Variants in CEMIP2 observed in about 807,000 individuals in gnomAD.
The protein encoded by CEMIP2 is cell migration inducing hyaluronidase 2, also known as cell surface hyaluronidase CEMIP2.
Under a neutral mutation model 146.9 loss-of-function variants are expected in CEMIP2, and 79 were observed. The ratio of observed to expected loss-of-function variants is 0.54; its 90% confidence interval spans 0.45 to 0.65. The LOEUF (loss-of-function observed/expected upper bound fraction) is 0.65, where lower values mean the gene tolerates loss of function less well. Among genes scored for constraint, CEMIP2 ranks in the 30% least tolerant of loss-of-function variants. CEMIP2 has a pLI of 0.00. For synonymous variants in CEMIP2, 601 were observed against 606.3 expected (o/e 0.99, Z 0.13); for missense variants, 1,596 against 1,696.2 (o/e 0.94, Z 1.04).
chr9:71,730,833 C>T lies in CEMIP2; in HGVS notation c.1645G>A (p.Val549Ile). The change falls in exon 8 of 24, where the codon GTT (valine) becomes ATT (isoleucine). Residue 549 changes from valine to isoleucine, a missense_variant. Physicochemically the swap from Val to Ile is conservative, Grantham distance 29 (BLOSUM62 3). Transcript: ENST00000377044. ...MGQQQMGRYP[V>I]HFHLCGDVDY... ...ACGTCACCACACAGGTGAAAATGAA[C>T]AGGGTATCGCCCCATCTGCTGCTGA... 1 of 1,614,156 alleles carries T rather than the reference C, an allele frequency of 6.2e-7. No homozygotes were observed. Among genetic ancestry groups the T allele is most frequent in the African/African-American group, 1.3e-5 (1 of 75,042 alleles).
At chr9:71,757,845 A>G (rs1390929436) in intron 1 of CEMIP2, among the ~76,000 whole-genome samples, 1 of 152,242 alleles carries the variant, frequency 6.6e-6, no homozygotes, top group Admixed American at 6.5e-5. Flanking sequence ...TGAACTCAAC[A>G]AATACCCTGT....
chr9:71,695,074 C>A (rs899944751), intron 20 of CEMIP2, among the ~76,000 whole-genome samples: 19 of 152,148 alleles, frequency 1.2e-4, no homozygotes, highest in Admixed American at 8.5e-4. Flanking sequence ...ACCTGCAAGG[C>A]ATTCCATAAA....
At chr9:71,690,403 A>C (rs1563992054) in intron 21 of CEMIP2, among the ~76,000 whole-genome samples, 157 bp from the exon 22 acceptor site, 1 of 152,152 alleles carries the variant, frequency 6.6e-6, no homozygotes, top group Non-Finnish European at 1.5e-5. Flanking sequence ...TTTCCTCACC[A>C]TCTGAAATTG....
intron 1 of CEMIP2, among the ~76,000 whole-genome samples, chr9:71,760,357 A>G (rs1824593528): frequency 6.6e-6 from 1 of 152,242 alleles, no homozygotes; most frequent in Non-Finnish European, 1.5e-5. Flanking sequence ...CTCAAAACAA[A>G]GAGCTGCTAT....
intron 7 of CEMIP2, 128 bp from the exon 8 acceptor site, chr9:71,731,042 G>T: frequency 1.3e-6 from 1 of 756,712 alleles, no homozygotes; most frequent in Non-Finnish European, 2.1e-6. Context: ...TTTGCATCCT[G>T]TTTTCCCAGA....
chr9:71,713,235 G>A (rs1208005756), intron 15 of CEMIP2, among the ~76,000 whole-genome samples: 1 of 152,106 alleles, frequency 6.6e-6, no homozygotes, highest in African/African-American at 2.4e-5. Flanking sequence ...TCTCCGTGCT[G>A]TTCTCATGAC....
At chr9:71,720,263 C>T (rs1823195918) in intron 12 of CEMIP2, among the ~76,000 whole-genome samples, 1 of 152,028 alleles carries the variant, frequency 6.6e-6, no homozygotes, top group South Asian at 2.1e-4. Flanking sequence ...CTTGAAGACA[C>T]AAGGAAAGGC....
At chr9:71,766,492 C>T (rs892973278) in intron 1 of CEMIP2, among the ~76,000 whole-genome samples, 1 of 152,132 alleles carries the variant, frequency 6.6e-6, no homozygotes, top group African/African-American at 2.4e-5. Flanking sequence ...GACTACATTA[C>T]CCTCCAGCTT....
At chr9:71,756,039 T>C (rs1374298313) in intron 1 of CEMIP2, among the ~76,000 whole-genome samples, 2 of 150,040 alleles carry the variant, frequency 1.3e-5, no homozygotes, top group African/African-American at 4.9e-5. Context: ...AGTTAATTTA[T>C]GTACTTGTCC....
intron 20 of CEMIP2, among the ~76,000 whole-genome samples, chr9:71,696,718 C>T (rs571634727): frequency 6.6e-4 from 101 of 151,992 alleles, no homozygotes; most frequent in Non-Finnish European, 1.0e-3. Context: ...TGCAGTGAGT[C>T]GAGATCATGC....
chr9:71,707,693 G>A (rs956065527), intron 17 of CEMIP2, among the ~76,000 whole-genome samples: 2 of 152,114 alleles, frequency 1.3e-5, no homozygotes, highest in African/African-American at 4.8e-5. Flanking sequence ...TCAGTAGAGG[G>A]GAAATAGCAC....
intron 1 of CEMIP2, among the ~76,000 whole-genome samples, chr9:71,761,709 C>CA (rs1824642840): frequency 6.6e-6 from 1 of 152,068 alleles, no homozygotes; most frequent in Non-Finnish European, 1.5e-5. Flanking sequence ...CCCAATAGTA[C>CA]AAAAAATAAA....
At chr9:71,720,562 G>C (rs920672297) in intron 12 of CEMIP2, among the ~76,000 whole-genome samples, 6 of 152,188 alleles carry the variant, frequency 3.9e-5, no homozygotes, top group African/African-American at 1.4e-4. Context: ...AAAGTGCTGG[G>C]ATTACAAGCC....
At chr9:71,702,399 G>C (rs145231191) in intron 18 of CEMIP2, among the ~76,000 whole-genome samples, 3 of 151,530 alleles carry the variant, frequency 2.0e-5, no homozygotes, top group African/African-American at 7.3e-5. Context: ...CAAAATGCGG[G>C]GGGGCGGGCA....
At chr9:71,706,727 CAG>C (rs1822752145) in intron 17 of CEMIP2, among the ~76,000 whole-genome samples, 1 of 152,122 alleles carries the variant, frequency 6.6e-6, no homozygotes, top group South Asian at 2.1e-4. Flanking sequence ...TTAAGACAGA[CAG>C]ATAGATATAC....
At chr9:71,726,585 GA>G (rs1823392027) in intron 10 of CEMIP2, among the ~76,000 whole-genome samples, 1 of 152,136 alleles carries the variant, frequency 6.6e-6, no homozygotes, top group African/African-American at 2.4e-5. Context: ...GAAAGATAGA[GA>G]TAATTAAAAT....
At chr9:71,714,853 G>A (rs1019529785) in intron 15 of CEMIP2, 81 bp downstream of exon 15, 3 of 1,474,332 alleles carry the variant, frequency 2.0e-6, no homozygotes, top group African/African-American at 2.8e-5. Flanking sequence ...ATCCATCCAG[G>A]ATTATCACAG....
At chr9:71,688,639 C>T (rs1483009161) in intron 22 of CEMIP2, among the ~76,000 whole-genome samples, 4 of 151,940 alleles carry the variant, frequency 2.6e-5, no homozygotes, top group Non-Finnish European at 5.9e-5. Context: ...CCTCCTGCCT[C>T]AGACTCCCAA....
chr9:71,723,562 TCAGGC>T (rs1364477127), intron 11 of CEMIP2, among the ~76,000 whole-genome samples: 1 of 152,198 alleles, frequency 6.6e-6, no homozygotes, highest in Non-Finnish European at 1.5e-5. Context: ...TATTTTTGGT[TCAGGC>T]CACAGCTGAG....
Sources: gnomAD v4.1 joint callset for allele counts (sites outside exome capture counted in the v4.1 genomes callset) on GRCh38, gnomAD v4.1.1 for gene constraint, MANE v1.5 for transcripts, NCBI Gene and HGNC (gene_info 2026-07-23, HGNC 2026-07-21) for gene names.